The following NINL variants were observed in gnomAD, a reference collection of about 807,000 sequenced individuals.
The protein encoded by NINL is ninein-like protein.
NINL carries 153 observed loss-of-function variants against 160.3 expected under a neutral mutation model. The ratio of observed to expected loss-of-function variants is 0.95; its 90% CI spans 0.84 to 1.09. NINL has a LOEUF of 1.09. Among genes scored for constraint, NINL ranks in the 50% least tolerant of loss-of-function variants. NINL has a pLI of 0.00. For missense variants in NINL, 1,829 were observed against 1,764.0 expected, an observed-to-expected ratio of 1.04 and a Z score of -0.66; for synonymous variants, 800 against 734.8, an observed-to-expected ratio of 1.09 and a Z score of -1.43.
At chr20:25,496,546 G>C in intron 10 of NINL, 117 bp downstream of exon 10, 1 of 1,224,154 alleles carries the variant, frequency 8.2e-7, no homozygotes, top group Non-Finnish European at 1.1e-6. Context: ...GAAATAGGGG[G>C]GTCTCCACTG....
intron 1 of NINL, among the ~76,000 whole-genome samples, chr20:25,584,803 G>C (rs1165829439): frequency 6.6e-6 from 1 of 152,224 alleles, no homozygotes; most frequent in Non-Finnish European, 1.5e-5. Context: ...ACCCAGGCAC[G>C]ATCGATGATT....
chr20:25,512,137 T>G (rs1300573430), intron 4 of NINL, among the ~76,000 whole-genome samples: 1 of 152,100 alleles, frequency 6.6e-6, no homozygotes, highest in East Asian at 1.9e-4. Flanking sequence ...CTGCAGCAAA[T>G]GACCCAGGGA....
At chr20:25,510,119 C>T (rs879396511) in intron 5 of NINL, among the ~76,000 whole-genome samples, 13 of 152,256 alleles carry the variant, frequency 8.5e-5, no homozygotes, top group Admixed American at 8.5e-4. Context: ...CGCTGTGAGG[C>T]TGCATGCTAT....
chr20:25,489,986 C>T lies in NINL; in HGVS notation c.1486-1G>A. 6.2e-7 allele frequency: 1 copy of T among 1,613,724 alleles called. No homozygotes were observed. The highest frequency in any genetic ancestry group is 8.5e-7 in the Non-Finnish European group (1 of 1,179,744). On this transcript the variant is annotated splice_acceptor_variant, in intron 11 of 23. Coordinates refer to ENST00000278886, the MANE Select transcript of NINL (RefSeq NM_025176.6). LOFTEE classifies it high-confidence loss of function. ...TCTCCTTCTGTAGGCGACTGTTTTCCTAGGAGACACAGGCCAGTGGCTCAT... is the reference window on the plus strand; with the variant it reads ...TCTCCTTCTGTAGGCGACTGTTTTCTTAGGAGACACAGGCCAGTGGCTCAT...
rs6037135 is a variant in NINL, at chr20:25,531,341, G to A, written c.-11-4743C>T. Among the ~76,000 whole-genome samples the A allele has an allele frequency of 4.3e-3, 649 of 152,238 alleles. 5 individuals are homozygous for A. The highest frequency in any genetic ancestry group is 0.015 in the African/African-American group (626 of 41,530). On this transcript the variant is annotated intron_variant, in intron 1 of 23. Coordinates refer to ENST00000278886, the MANE Select transcript of NINL (RefSeq NM_025176.6). ...TAATGCAATCATCACAGGGTCCTGA[G>A]GCGACATACACCCTCCTCAGCTTAC... is the stretch of plus-strand genomic sequence containing the variant.
intron 10 of NINL, among the ~76,000 whole-genome samples, chr20:25,492,046 C>T (rs1300707008): frequency 5.9e-5 from 9 of 152,286 alleles, no homozygotes; most frequent in East Asian, 1.9e-4. Context: ...CAGTGTTCAA[C>T]GCTCAGTCTC....
chr20:25,489,698 C>T (rs1400009701), intron 12 of NINL, among the ~76,000 whole-genome samples, 177 bp downstream of exon 12: 3 of 152,128 alleles, frequency 2.0e-5, no homozygotes, highest in Admixed American at 6.5e-5. Flanking sequence ...CGGCCCCCCA[C>T]ATTGTCATGC....
At chr20:25,458,317 G>C (rs2090743128) in intron 22 of NINL, 66 bp downstream of exon 22, 5 of 1,587,574 alleles carry the variant, frequency 3.1e-6, no homozygotes, top group Non-Finnish European at 3.4e-6. Context: ...GGTAACTGAG[G>C]ACCGGTGGGC....
intron 17 of NINL, among the ~76,000 whole-genome samples, chr20:25,472,533 ATTTC>A (rs1485532960): frequency 1.4e-5 from 2 of 138,896 alleles, no homozygotes; most frequent in Admixed American, 7.1e-5. Context: ...CAGGGAAAAT[ATTTC>A]TTTTTTTTTT....
intron 8 of NINL, among the ~76,000 whole-genome samples, chr20:25,500,327 G>C (rs2063842541): frequency 6.6e-6 from 1 of 152,220 alleles, no homozygotes; most frequent in East Asian, 1.9e-4. Flanking sequence ...GGCAGCCCCA[G>C]CAGAACACGG....
At chr20:25,493,419 G>A (rs1223820277) in intron 10 of NINL, among the ~76,000 whole-genome samples, 2 of 152,100 alleles carry the variant, frequency 1.3e-5, no homozygotes, top group South Asian at 2.1e-4. Context: ...AGAGGTGGAC[G>A]AACCGAGCTT....
At chr20:25,464,700 C>T (rs528907867) in intron 19 of NINL, among the ~76,000 whole-genome samples, 27 of 152,330 alleles carry the variant, frequency 1.8e-4, no homozygotes, top group African/African-American at 5.1e-4. Context: ...GATGTCCCCA[C>T]ACTTCATTTT....
intron 5 of NINL, among the ~76,000 whole-genome samples, chr20:25,506,134 C>T (rs528704020): frequency 4.0e-4 from 61 of 152,210 alleles, no homozygotes; most frequent in Non-Finnish European, 4.3e-4. Context: ...TGATGGCAGC[C>T]GCCTGGAATC....
chr20:25,524,238 A>C (rs951148466), intron 2 of NINL, among the ~76,000 whole-genome samples: 4 of 152,210 alleles, frequency 2.6e-5, no homozygotes, highest in African/African-American at 9.6e-5. Flanking sequence ...AGGGACAGGC[A>C]GGGAGAGGTG....
intron 1 of NINL, among the ~76,000 whole-genome samples, chr20:25,560,518 C>A (rs1176475743): frequency 6.6e-6 from 1 of 152,188 alleles, no homozygotes; most frequent in Non-Finnish European, 1.5e-5. Flanking sequence ...CCTGACTGAG[C>A]CAAGGCCTGG....
At chr20:25,513,123 C>T (rs1162339726) in intron 3 of NINL, 117 bp from the exon 4 acceptor site, 3 of 983,108 alleles carry the variant, frequency 3.1e-6, no homozygotes, top group African/African-American at 1.6e-5. Context: ...CCCTCAAACA[C>T]GTACTGCTCT....
At position 25,453,580 on chromosome 20, in the gene NINL, C is replaced by A. The variant is rs1440568155; in HGVS notation, c.4020G>T (p.Leu1340=). The change falls in exon 24 of 24, where the codon CTG becomes CTT. Residue 1340 remains leucine (L), a synonymous_variant. Coordinates refer to ENST00000278886, the MANE Select transcript of NINL (RefSeq NM_025176.6). ...CCTCGGTGGCCTGAAGTGCTCTCAC[C>A]AGGTGGGCGTTCTCCACGTACAGCT... ...LKELYVENAH[L]VRALQATEEK... is the part of the protein sequence containing the mutation. The A allele has an allele frequency of 6.2e-7, 1 of 1,614,046 alleles. No individual in the cohort carries two copies. The highest frequency in any genetic ancestry group is 8.5e-7 in the Non-Finnish European group (1 of 1,179,984).
intron 19 of NINL, 22 bp downstream of exon 19, chr20:25,467,367 A>C: frequency 6.3e-7 from 1 of 1,580,554 alleles, no homozygotes; most frequent in Non-Finnish European, 8.7e-7. Context: ...CATGAGCTCC[A>C]TGCCAGGCGT....
chr20:25,548,017 T>C (rs1200173345), intron 1 of NINL, among the ~76,000 whole-genome samples: 1 of 152,242 alleles, frequency 6.6e-6, no homozygotes, highest in Non-Finnish European at 1.5e-5. Flanking sequence ...GAGGTAACAC[T>C]GCACACTGCC....
Sources: allele counts gnomAD v4.1 joint callset (sites outside exome capture counted in the v4.1 genomes callset), GRCh38; gene constraint gnomAD v4.1.1; transcripts MANE v1.5; gene names NCBI Gene and HGNC (gene_info 2026-07-23, HGNC 2026-07-21).